SEPTIN9: variants seen among roughly 807,000 people sequenced by gnomAD.
SEPTIN9 encodes the protein septin 9.
In SEPTIN9, 13 loss-of-function variants were observed where a neutral mutation model predicts 56.6. The observed-to-expected ratio is 0.23, with a 90% CI of 0.15 to 0.37. SEPTIN9 has a LOEUF of 0.37. SEPTIN9 is among the 10% of genes least tolerant of loss of function. The pLI is 1.00. For missense variants in SEPTIN9, 650 were observed against 823.1 expected, an observed-to-expected ratio of 0.79 and a Z score of 2.57; for synonymous variants, 332 against 334.1, an observed-to-expected ratio of 0.99 and a Z score of 0.07.
chr17:77,341,313 T>G (rs536530428), intron 2 of SEPTIN9, among the ~76,000 whole-genome samples: 2 of 152,330 alleles, frequency 1.3e-5, no homozygotes, highest in East Asian at 3.9e-4. Context: ...TGGCCTAATT[T>G]CAATATTGTT....
Position 77,310,684 on chromosome 17 carries a change from A to C in SEPTIN9, c.76+3487A>C, listed in dbSNP as rs1003784859. Among the ~76,000 whole-genome samples, 1 of 151,996 alleles carries C rather than the reference A, an allele frequency of 6.6e-6. No individual in the cohort carries two copies. Among genetic ancestry groups the C allele is most frequent in the African/African-American group, 2.4e-5 (1 of 41,366 alleles). ...GAGTGGCCTTCTGGTAGGCTCTCCCATGTTCGCTCATTTTCTGTGCCTCAG... is the reference window on the plus strand; with the variant it reads ...GAGTGGCCTTCTGGTAGGCTCTCCCCTGTTCGCTCATTTTCTGTGCCTCAG... On this transcript the variant is annotated intron_variant, in intron 2 of 11. Transcript: ENST00000427177. The surrounding 1 kb of genome is among the most constrained non-coding windows in gnomAD (Gnocchi z 4.7).
rs752799742 is a variant in SEPTIN9 at position 77,500,580 on chromosome 17, A to C, written c.*1922A>C. ...TGTATTTCCTGAAATAAATGTTTCA[A>C]ATGCAGAAACCCAGAAGGCTCCTGA... On this transcript the variant is annotated 3_prime_UTR_variant, in exon 12 of 12. Transcript: ENST00000427177. The C allele has an allele frequency of 1.1e-4, 20 of 187,270 alleles. 1 individual carries two copies. The highest frequency in any genetic ancestry group is 2.1e-4 in the Non-Finnish European group (19 of 88,516). The allele number at this position is 187,270 out of a possible 1,614,324, so 11.6% of individuals were successfully genotyped here.
chr17:77,289,634 C>G (rs1450767519), intron 1 of SEPTIN9, among the ~76,000 whole-genome samples: 2 of 151,992 alleles, frequency 1.3e-5, no homozygotes, highest in East Asian at 3.8e-4. Flanking sequence ...TCTCGAACTC[C>G]CGACCTCAGG....
At chr17:77,395,455 G>A (rs1395719453) in intron 2 of SEPTIN9, among the ~76,000 whole-genome samples, 2 of 151,914 alleles carry the variant, frequency 1.3e-5, no homozygotes, top group African/African-American at 4.8e-5. Flanking sequence ...CGTGAACCTG[G>A]GAGGTGGAGC....
chr17:77,487,402 C>T lies in SEPTIN9; in HGVS notation c.914-22C>T, dbSNP rs200578573. ...TGGTCTCTCCGGAGAGACCCCTGAC[C>T]GGCCTCCCATCCTCTCCCCAGGGCA... On this transcript the variant is annotated intron_variant, in intron 4 of 11. Transcript: ENST00000427177. The surrounding 1 kb of genome is among the most constrained non-coding windows in gnomAD (Gnocchi z 4.3). 395 of 1,584,510 alleles carry T rather than the reference C, an allele frequency of 2.5e-4. 1 individual carries two copies. The East Asian group carries it at 5.1e-3, about 20-fold the overall frequency.
At chr17:77,431,481 A>G (rs757478347) in intron 3 of SEPTIN9, among the ~76,000 whole-genome samples, 1 of 152,192 alleles carries the variant, frequency 6.6e-6, no homozygotes, top group African/African-American at 2.4e-5. Flanking sequence ...GTCTTTTTCT[A>G]CATAGACACT....
intron 3 of SEPTIN9, among the ~76,000 whole-genome samples, chr17:77,440,305 C>T (rs1011274324): frequency 6.6e-6 from 1 of 152,118 alleles, no homozygotes; most frequent in African/African-American, 2.4e-5. Context: ...TAGGCGCCCA[C>T]CACCACGCCC....
At chr17:77,392,318 A>C (rs1029382083) in intron 2 of SEPTIN9, among the ~76,000 whole-genome samples, 1 of 152,180 alleles carries the variant, frequency 6.6e-6, no homozygotes, top group African/African-American at 2.4e-5. Context: ...TAGTCATCAG[A>C]ATCCATCAGA....
intron 4 of SEPTIN9, among the ~76,000 whole-genome samples, chr17:77,484,339 TGGA>T: frequency 6.9e-6 from 1 of 145,976 alleles, no homozygotes; most frequent in East Asian, 2.1e-4. Context: ...GTGGTGGTGA[TGGA>T]GGTGATGGTG....
Position 77,434,754 on chromosome 17 carries a change from C to T in SEPTIN9, c.721+32051C>T, listed in dbSNP as rs1464662557. Reference sequence around the variant, plus strand: ...TGTGGAAGCCTGGGTGTGATGAAGGCAAGGACCGGTGGCTCACCCCTCTTG... The same window carrying T: ...TGTGGAAGCCTGGGTGTGATGAAGGTAAGGACCGGTGGCTCACCCCTCTTG... On this transcript the variant is annotated intron_variant, in intron 3 of 11. Coordinates refer to ENST00000427177, the MANE Select transcript of SEPTIN9 (RefSeq NM_001113491.2). This position sits in a 1 kb window ranked among gnomAD's most constrained non-coding sequence, Gnocchi z 5.0. 6.6e-6 allele frequency among the ~76,000 whole-genome samples: 1 copy of T among 152,212 alleles called. No individual in the cohort carries two copies. Among genetic ancestry groups the T allele is most frequent in the African/African-American group, 2.4e-5 (1 of 41,456 alleles).
At chr17:77,409,055 C>G (rs761604037) in intron 3 of SEPTIN9, among the ~76,000 whole-genome samples, 13 of 152,078 alleles carry the variant, frequency 8.5e-5, no homozygotes, top group Non-Finnish European at 1.9e-4. Flanking sequence ...CTGGAGGTGT[C>G]CAGAAGGCAC....
rs1048567666 is a variant in SEPTIN9 at position 77,318,049 on chromosome 17, TCAATAAAATA to T, written c.76+10853_76+10862del. ...CTGGGTGGCAGAGCGAGACTCTGTC[TCAATAAAATA>T]AAATAAAATAAAATAATAAATATAA... is the stretch of plus-strand genomic sequence containing the variant. On this transcript the variant is annotated intron_variant, in intron 2 of 11. Transcript: ENST00000427177. This position sits in a 1 kb window ranked among gnomAD's most constrained non-coding sequence, Gnocchi z 4.9. Among the ~76,000 whole-genome samples the T allele has an allele frequency of 1.8e-5, 2 of 114,174 alleles. No individual in the cohort carries two copies. Among genetic ancestry groups the T allele is most frequent in the African/African-American group, 5.6e-5 (2 of 35,912 alleles). 74.9% of individuals were successfully genotyped at this position (114,174 alleles called of 152,430 possible).
intron 3 of SEPTIN9, among the ~76,000 whole-genome samples, chr17:77,438,044 C>T (rs1288608381): frequency 3.9e-5 from 6 of 152,188 alleles, no homozygotes; most frequent in Non-Finnish European, 5.9e-5. Flanking sequence ...TCGTGTGGGC[C>T]GGGGCTTTCA....
At chr17:77,438,100 C>T (rs1269405199) in intron 3 of SEPTIN9, among the ~76,000 whole-genome samples, 2 of 152,242 alleles carry the variant, frequency 1.3e-5, no homozygotes, top group African/African-American at 4.8e-5. Flanking sequence ...TGCTCCTGGC[C>T]TTGTGACCGA....
At position 77,318,037 on chromosome 17, in the gene SEPTIN9, C is replaced by T. The variant is rs1042600821; in HGVS notation, c.76+10840C>T. Among the ~76,000 whole-genome samples the T allele has an allele frequency of 1.7e-4, 25 of 150,830 alleles. No homozygotes were observed. Among genetic ancestry groups the T allele is most frequent in the Admixed American group, 1.4e-3 (21 of 15,020 alleles). On this transcript the variant is annotated intron_variant, in intron 2 of 11. Coordinates refer to ENST00000427177, the MANE Select transcript of SEPTIN9 (RefSeq NM_001113491.2). The surrounding 1 kb of genome is among the most constrained non-coding windows in gnomAD (Gnocchi z 4.9). ...CTGTACTCCAGCCTGGGTGGCAGAGCGAGACTCTGTCTCAATAAAATAAAA... is the reference window on the plus strand; with the variant it reads ...CTGTACTCCAGCCTGGGTGGCAGAGTGAGACTCTGTCTCAATAAAATAAAA...
intron 3 of SEPTIN9, among the ~76,000 whole-genome samples, chr17:77,459,656 G>A (rs2038371607): frequency 6.6e-6 from 1 of 152,060 alleles, no homozygotes; most frequent in Admixed American, 6.6e-5. Flanking sequence ...TTTCCTCATG[G>A]TAGAAGGTGA....
Position 77,475,596 on chromosome 17 carries a change from A to G in SEPTIN9, c.722-6548A>G. 6.2e-7 allele frequency: 1 copy of G among 1,613,484 alleles called. No homozygotes were observed. Among genetic ancestry groups the G allele is most frequent in the Non-Finnish European group, 8.5e-7 (1 of 1,179,804 alleles). On this transcript the variant is annotated intron_variant, in intron 3 of 11. Transcript: ENST00000427177. The surrounding 1 kb of genome is among the most constrained non-coding windows in gnomAD (Gnocchi z 4.6). ...GGTGCTGGCCCCAGGGTCTGGATTC[A>G]GGGGAGCCTGCAGAGGGAGGGCAGC...
chr17:77,385,543 G>T (rs1568028897), intron 2 of SEPTIN9, among the ~76,000 whole-genome samples: 1 of 151,950 alleles, frequency 6.6e-6, no homozygotes, highest in Non-Finnish European at 1.5e-5. Context: ...CTTAAAACAA[G>T]AATAAAAATA....
At chr17:77,447,031 C>T (rs1250625990) in intron 3 of SEPTIN9, 1 of 167,122 alleles carries the variant, frequency 6.0e-6, no homozygotes, top group Admixed American at 6.5e-5. Flanking sequence ...CAAAGGGAAA[C>T]CCCGTATCCA....
Sources: allele counts gnomAD v4.1 joint callset (sites outside exome capture counted in the v4.1 genomes callset), GRCh38; gene constraint gnomAD v4.1.1; non-coding constraint Gnocchi (gnomAD v3.1); transcripts MANE v1.5; gene names NCBI Gene and HGNC (gene_info 2026-07-23, HGNC 2026-07-21).